The following SPAG9 variants were observed in gnomAD, a reference collection of about 807,000 sequenced individuals.
SPAG9 encodes sperm associated antigen 9, also known as C-Jun-amino-terminal kinase-interacting protein 4.
A neutral mutation model predicts 166.5 loss-of-function variants in SPAG9; 35 were observed. The observed-to-expected ratio is 0.21, with a 90% confidence interval of 0.16 to 0.28. The LOEUF (loss-of-function observed/expected upper bound fraction) is 0.28, where lower values mean the gene tolerates loss of function less well. SPAG9 is among the 10% of genes least tolerant of loss of function. The pLI, the probability that SPAG9 is intolerant of heterozygous loss-of-function variation, is 1.00. For missense variants in SPAG9, 1,235 were observed against 1,603.3 expected (o/e 0.77, Z 3.92); for synonymous variants, 534 against 565.5 (o/e 0.94, Z 0.79).
At chr17:51,084,710 A>G (rs2048259876) in intron 1 of SPAG9, among the ~76,000 whole-genome samples, 1 of 152,154 alleles carries the variant, frequency 6.6e-6, no homozygotes, top group Non-Finnish European at 1.5e-5. Context: ...CACCCAGTCC[A>G]GAAATTCTTA....
At position 51,039,944 on chromosome 17, in the gene SPAG9, G is replaced by A. The variant is rs186317781; in HGVS notation, c.741+1557C>T. ...ATTGTGGTACAGAAGTAAAGAAAGA[G>A]AGAGTTGCAGCCAGGCGCAGTGGCT... On this transcript the variant is annotated intron_variant, in intron 5 of 29. Transcript: ENST00000262013. Among the ~76,000 whole-genome samples the A allele has an allele frequency of 6.6e-4, 100 of 152,148 alleles. 1 individual carries two copies. In the Middle Eastern group the frequency reaches 0.01, roughly 16 times the overall value.
At chr17:51,014,397 A>G (rs1195013545) in intron 8 of SPAG9, 44 bp from the exon 9 acceptor site, 1 of 1,567,076 alleles carries the variant, frequency 6.4e-7, no homozygotes, top group Non-Finnish European at 8.7e-7. Context: ...AATGACAAAG[A>G]CTTTTTTGAC....
chr17:51,059,174 A>C (rs1297788464), intron 2 of SPAG9, among the ~76,000 whole-genome samples: 3 of 152,178 alleles, frequency 2.0e-5, no homozygotes, highest in Non-Finnish European at 4.4e-5. Flanking sequence ...ACACAAAACT[A>C]ATCTGAAATG....
intron 29 of SPAG9, among the ~76,000 whole-genome samples, chr17:50,969,187 T>C (rs1973586018): frequency 6.6e-6 from 1 of 152,144 alleles, no homozygotes; most frequent in Non-Finnish European, 1.5e-5. Flanking sequence ...TCATGGCTTT[T>C]AGTACCACTC....
At chr17:50,983,981 G>C (rs1974841801) in intron 24 of SPAG9, among the ~76,000 whole-genome samples, 1 of 152,110 alleles carries the variant, frequency 6.6e-6, no homozygotes, top group Admixed American at 6.6e-5. Flanking sequence ...CAGAAAGATA[G>C]GAGATTTTGG....
At chr17:50,969,713 G>T (rs1303982504) in intron 29 of SPAG9, among the ~76,000 whole-genome samples, 1 of 151,828 alleles carries the variant, frequency 6.6e-6, no homozygotes, top group Admixed American at 6.6e-5. Flanking sequence ...TAAACCTTTG[G>T]CCAAGCTATT....
In SPAG9 at chr17:50,990,560, T is replaced by C; in HGVS notation, c.2507A>G (p.Asp836Gly). 1 of 1,614,206 alleles carries C rather than the reference T, an allele frequency of 6.2e-7. No individual in the cohort carries two copies. The change falls in exon 20 of 30, where the codon GAC (aspartate) becomes GGC (glycine). Residue 836 changes from aspartate to glycine, a missense_variant. By Grantham distance (94) the Asp-to-Gly change is moderately conservative. Transcript: ENST00000262013. ...CACTGTGATGCCTCCTAACAGGCTG[T>C]CTGTCTCTGCTGAGCTGTTGCTTGT... ...SMTSNSSAET[D>G]SLLGGITVVG... is the part of the protein sequence containing the mutation.
At chr17:51,118,329 AT>A (rs1003443362) in intron 1 of SPAG9, among the ~76,000 whole-genome samples, 2 of 151,962 alleles carry the variant, frequency 1.3e-5, no homozygotes, top group African/African-American at 4.8e-5. Flanking sequence ...TGGATAACCT[AT>A]TTTTTTTAGA....
chr17:51,006,001 G>A, intron 11 of SPAG9, 84 bp downstream of exon 11: 1 of 1,466,856 alleles, frequency 6.8e-7, no homozygotes, highest in Non-Finnish European at 9.3e-7. Flanking sequence ...TGGACAGAAG[G>A]TCTCAGTCTC....
intron 2 of SPAG9, among the ~76,000 whole-genome samples, chr17:51,067,734 T>C (rs577263052): frequency 6.6e-6 from 1 of 151,354 alleles, no homozygotes; most frequent in African/African-American, 2.4e-5. Flanking sequence ...AATCATGTTA[T>C]CTAAAAAGAA....
chr17:51,066,658 C>T (rs1374326598), intron 2 of SPAG9, among the ~76,000 whole-genome samples: 1 of 151,318 alleles, frequency 6.6e-6, no homozygotes, highest in African/African-American at 2.4e-5. Context: ...AGATCGAGAC[C>T]ATCCTGGTCA....
At chr17:51,023,290 T>G (rs959616179) in intron 6 of SPAG9, 2 of 151,610 alleles carry the variant, frequency 1.3e-5, no homozygotes, top group African/African-American at 2.4e-5. Flanking sequence ...AATTATATAT[T>G]TTTATAATTT....
rs1973178125 is a variant in SPAG9, at chr17:50,962,432, T to C, written c.*3840A>G. The C allele has an allele frequency of 6.6e-6, 1 of 152,234 alleles. No individual in the cohort carries two copies. The highest frequency in any genetic ancestry group is 6.5e-5 in the Admixed American group (1 of 15,280). The allele number at this position is 152,234 out of a possible 1,614,324, so 9.4% of individuals were successfully genotyped here. Reference sequence around the variant, plus strand: ...TGGAACATAAAATGGTTAAGATATATTCAAATAGAGAAATGTATGACAAAA... The same window carrying C: ...TGGAACATAAAATGGTTAAGATATACTCAAATAGAGAAATGTATGACAAAA... On this transcript the variant is annotated 3_prime_UTR_variant, in exon 30 of 30. Coordinates refer to ENST00000262013, the MANE Select transcript of SPAG9 (RefSeq NM_001130528.3).
At chr17:51,090,128 C>G (rs2048426243) in intron 1 of SPAG9, among the ~76,000 whole-genome samples, 1 of 152,044 alleles carries the variant, frequency 6.6e-6, no homozygotes. Context: ...CAGGTAACTA[C>G]AATTCACCAT....
chr17:50,991,923 CTTTTTTTTTT>C, intron 19 of SPAG9, among the ~76,000 whole-genome samples: 1 of 63,336 alleles, frequency 1.6e-5, no homozygotes, highest in South Asian at 6.8e-4. Context: ...CATGCCAGGT[CTTTTTTTTTT>C]TTTTTTTTTT....
At position 50,985,756 on chromosome 17, in the gene SPAG9, C is replaced by A; in HGVS notation, c.2962G>T (p.Ala988Ser). The A allele has an allele frequency of 6.2e-7, 1 of 1,606,700 alleles. No homozygotes were observed. Among genetic ancestry groups the A allele is most frequent in the Non-Finnish European group, 8.5e-7 (1 of 1,173,934 alleles). Residue 988 changes from alanine to serine, a missense_variant, in exon 23 of 30, where the codon GCC (alanine) becomes TCC (serine). This residue lies in a region of SPAG9 where 493 missense variants were observed against 559.4 expected (regional missense o/e 0.88). Coordinates refer to ENST00000262013, the MANE Select transcript of SPAG9 (RefSeq NM_001130528.3). ...GAATGGAGACATTTCCTCCACTGGGCTACAGATGAATGGACATACAAACTG... is the reference window on the plus strand; with the variant it reads ...GAATGGAGACATTTCCTCCACTGGGATACAGATGAATGGACATACAAACTG... ...NGCLYVHSSVAQWRKCLHSIK... is the reference protein window; with the variant it reads ...NGCLYVHSSVSQWRKCLHSIK...
Position 50,989,673 on chromosome 17 carries a change from A to C in SPAG9, c.2813+4T>G, listed in dbSNP as rs766824554. On this transcript the variant is annotated splice_donor_region_variant and intron_variant, in intron 21 of 29. Coordinates refer to ENST00000262013, the MANE Select transcript of SPAG9 (RefSeq NM_001130528.3). ...TTGCCTAAGTTGATGACCCATTATTATACCTCGACTGATACACTGGGGAGA... is the reference window on the plus strand; with the variant it reads ...TTGCCTAAGTTGATGACCCATTATTCTACCTCGACTGATACACTGGGGAGA... 1 of 1,613,286 alleles carries C rather than the reference A, an allele frequency of 6.2e-7. No individual in the cohort carries two copies. The highest frequency in any genetic ancestry group is 8.5e-7 in the Non-Finnish European group (1 of 1,179,294).
chr17:51,098,279 C>CG (rs1228686048), intron 1 of SPAG9, among the ~76,000 whole-genome samples: 1 of 151,948 alleles, frequency 6.6e-6, no homozygotes, highest in African/African-American at 2.4e-5. Flanking sequence ...ACAAATACAG[C>CG]GGGCTGATTG....
chr17:51,031,693 A>G lies in SPAG9; in HGVS notation c.771T>C (p.Ala257=). ...KVSNSPEPQK[A]VEQEDELSDV... The stretch of plus-strand genomic sequence containing the variant: ...GCACCATTCTCACCTCCTGTTCTAC[A>G]GCCTTCTGAGGTTCAGGACTATTGC... Residue 257 remains alanine (A), a synonymous_variant, in exon 6 of 30, where the codon GCT becomes GCC. Coordinates refer to ENST00000262013, the MANE Select transcript of SPAG9 (RefSeq NM_001130528.3). The G allele has an allele frequency of 1.9e-6, 3 of 1,551,208 alleles. No homozygotes were observed. The highest frequency in any genetic ancestry group is 2.6e-6 in the Non-Finnish European group (3 of 1,146,634).
Sources: allele counts gnomAD v4.1 joint callset (sites outside exome capture counted in the v4.1 genomes callset), GRCh38; gene constraint gnomAD v4.1.1; regional missense constraint gnomAD v4.1.1; transcripts MANE v1.5; gene names NCBI Gene and HGNC (gene_info 2026-07-23, HGNC 2026-07-21).